The following SHOC1 variants were observed in gnomAD, a reference collection of about 807,000 sequenced individuals.
SHOC1 encodes the protein protein shortage in chiasmata 1 ortholog.
In SHOC1, 136 loss-of-function variants were observed where a neutral mutation model predicts 179.2. That is an observed-to-expected ratio of 0.76 (90% CI 0.66 to 0.87). The LOEUF is 0.87. Among genes scored for constraint, SHOC1 ranks in the 40% least tolerant of loss-of-function variants. The probability of loss-of-function intolerance (pLI) is 0.00; values close to 1 mark genes in which losing one functional copy is unlikely to be tolerated. For synonymous variants in SHOC1, 489 were observed against 586.6 expected (o/e 0.83, Z 2.41); for missense variants, 1,538 against 1,700.8 (o/e 0.90, Z 1.68).
chr9:111,765,405 C>T (rs1302553828), intron 5 of SHOC1, among the ~76,000 whole-genome samples: 3 of 152,000 alleles, frequency 2.0e-5, no homozygotes, highest in Non-Finnish European at 4.4e-5. Flanking sequence ...CGTGACCAGC[C>T]TGGCCAACAT....
At chr9:111,714,117 A>G (rs1328470638) in intron 17 of SHOC1, among the ~76,000 whole-genome samples, 2 of 152,090 alleles carry the variant, frequency 1.3e-5, no homozygotes, top group Non-Finnish European at 2.9e-5. Context: ...TGGGCTCAAG[A>G]GATCCTCCCA....
Position 111,693,792 on chromosome 9 carries a change from A to G in SHOC1, c.3465+7T>C. ...TCATATCATAGTACAGATCTCAAAT[A>G]ACTAACCTTTAACACTTTTTCTGGG... On this transcript the variant is annotated splice_region_variant and intron_variant, in intron 26 of 27. Transcript: ENST00000682961. The G allele has an allele frequency of 6.3e-7, 1 of 1,592,814 alleles. No homozygotes were observed. Among genetic ancestry groups the G allele is most frequent in the South Asian group, 1.1e-5 (1 of 88,738 alleles).
At chr9:111,749,333 C>T (rs1301264594) in intron 8 of SHOC1, among the ~76,000 whole-genome samples, 1 of 152,084 alleles carries the variant, frequency 6.6e-6, no homozygotes, top group African/African-American at 2.4e-5. Context: ...AAGAATTGAT[C>T]TCTCTTTTAA....
chr9:111,692,214 A>G lies in SHOC1; in HGVS notation c.3763T>C (p.Trp1255Arg). Reference sequence around the variant, plus strand: ...TTAGATTTACAGCTGGAGTCTTTCCAGTAGCTGGTCTGATTGTATGAAGTC... The same window carrying G: ...TTAGATTTACAGCTGGAGTCTTTCCGGTAGCTGGTCTGATTGTATGAAGTC... ...PVTSYNQTSY[W>R]KDSSCKSNIG... The change falls in exon 27 of 28, where the codon TGG becomes CGG. Residue 1255 changes from tryptophan (W) to arginine (R), a missense_variant. Transcript: ENST00000682961. 1 of 1,613,616 alleles carries G rather than the reference A, an allele frequency of 6.2e-7. No homozygotes were observed. The highest frequency in any genetic ancestry group is 8.5e-7 in the Non-Finnish European group (1 of 1,179,582).
chr9:111,757,227 C>T lies in SHOC1; in HGVS notation c.709-749G>A, dbSNP rs1834906034. ...ACGCCATTCTCCTGCCTCAGCCTCC[C>T]GAGTAGCTGGGACTACAGGCGCCCA... On this transcript the variant is annotated intron_variant, in intron 7 of 27. Coordinates refer to ENST00000682961, the MANE Select transcript of SHOC1 (RefSeq NM_001378211.1). 3.3e-5 allele frequency among the ~76,000 whole-genome samples: 5 copies of T among 152,150 alleles called. 1 individual carries two copies. The South Asian group carries it at 1.0e-3, about 32-fold the overall frequency.
intron 20 of SHOC1, among the ~76,000 whole-genome samples, chr9:111,706,325 T>G (rs1046851710): frequency 6.6e-6 from 1 of 152,172 alleles, no homozygotes; most frequent in East Asian, 1.9e-4. Flanking sequence ...CTATTATAAG[T>G]AAAATTTAGA....
At chr9:111,757,258 A>G (rs932571327) in intron 7 of SHOC1, among the ~76,000 whole-genome samples, 2 of 151,964 alleles carry the variant, frequency 1.3e-5, no homozygotes, top group African/African-American at 2.4e-5. Flanking sequence ...GCCCACCACT[A>G]TGCCTGGCTA....
At chr9:111,720,338 C>G (rs1832979250) in intron 15 of SHOC1, among the ~76,000 whole-genome samples, 1 of 152,188 alleles carries the variant, frequency 6.6e-6, no homozygotes, top group South Asian at 2.1e-4. Context: ...TCACCCTTAT[C>G]TTTGTTTCCT....
intron 16 of SHOC1, among the ~76,000 whole-genome samples, chr9:111,715,659 T>G (rs1228177683): frequency 6.6e-6 from 1 of 152,174 alleles, no homozygotes; most frequent in African/African-American, 2.4e-5. Flanking sequence ...TCTAACCACA[T>G]GGAACTGTTG....
intron 24 of SHOC1, among the ~76,000 whole-genome samples, chr9:111,697,653 C>T (rs1007270705): frequency 2.0e-5 from 3 of 152,148 alleles, no homozygotes; most frequent in South Asian, 2.1e-4. Context: ...AATAAACATA[C>T]GTGTGCATAT....
intron 18 of SHOC1, among the ~76,000 whole-genome samples, chr9:111,709,276 A>T (rs955794693): frequency 3.9e-5 from 6 of 152,264 alleles, no homozygotes; most frequent in African/African-American, 1.4e-4. Flanking sequence ...TGGGAGGCAG[A>T]GGTTGCAGTA....
rs1269432189 is a variant in SHOC1 at position 111,781,015 on chromosome 9, A to C, written c.172T>G (p.Ser58Ala). 1.2e-6 allele frequency: 2 copies of C among 1,609,456 alleles called. No homozygotes were observed. Among genetic ancestry groups the C allele is most frequent in the Admixed American group, 3.4e-5 (2 of 59,692 alleles). ...GTCATTCCCGGAACTGAAACAGCTG[A>C]GACTAGAAAGGATAATAGTTAACAT... is the stretch of plus-strand genomic sequence containing the variant. ...NKFRRPWTRV[S>A]AVSVPGMTDT... is the part of the protein sequence containing the mutation. Residue 58 changes from serine (S) to alanine (A), a missense_variant and splice_region_variant, in exon 4 of 28, where the codon TCA becomes GCA. Coordinates refer to ENST00000682961, the MANE Select transcript of SHOC1 (RefSeq NM_001378211.1).
chr9:111,733,131 G>A (rs987818242), intron 12 of SHOC1, among the ~76,000 whole-genome samples: 8 of 151,972 alleles, frequency 5.3e-5, no homozygotes, highest in Admixed American at 6.6e-5. Flanking sequence ...TTCATTTTAT[G>A]TAAATTATAC....
At chr9:111,730,890 CTGT>C (rs982135843) in intron 12 of SHOC1, among the ~76,000 whole-genome samples, 2 of 152,198 alleles carry the variant, frequency 1.3e-5, no homozygotes, top group African/African-American at 4.8e-5. Flanking sequence ...CATTGAATAT[CTGT>C]TGTTTAGTGT....
intron 8 of SHOC1, among the ~76,000 whole-genome samples, chr9:111,751,068 G>A (rs527362890): frequency 9.9e-5 from 15 of 152,092 alleles, no homozygotes; most frequent in Middle Eastern, 3.4e-3. Flanking sequence ...ATATAGCTCC[G>A]CCAGCTCCCC....
intron 24 of SHOC1, among the ~76,000 whole-genome samples, chr9:111,698,485 C>G (rs1831812079): frequency 1.3e-5 from 2 of 152,110 alleles, no homozygotes; most frequent in Admixed American, 6.6e-5. Context: ...TCAGGTTTGT[C>G]AAAGATCAGA....
In SHOC1 at chr9:111,764,100, G is replaced by A. The variant is rs367617534; in HGVS notation, c.443-5252C>T. Reference sequence around the variant, plus strand: ...GTTGTGAGTGGCATGATGAAACCTAGTGCCATCCTGTTCAGTCCCACCAAA... The same window carrying A: ...GTTGTGAGTGGCATGATGAAACCTAATGCCATCCTGTTCAGTCCCACCAAA... On this transcript the variant is annotated intron_variant, in intron 5 of 27. Coordinates refer to ENST00000682961, the MANE Select transcript of SHOC1 (RefSeq NM_001378211.1). 6.1e-4 allele frequency among the ~76,000 whole-genome samples: 93 copies of A among 151,644 alleles called. 4 individuals are homozygous for A. The South Asian group carries it at 0.019, about 31-fold the overall frequency.
At chr9:111,785,830 A>G (rs895299278) in intron 3 of SHOC1, 82 bp downstream of exon 3, 1 of 1,187,152 alleles carries the variant, frequency 8.4e-7, no homozygotes, top group Non-Finnish European at 1.1e-6. Context: ...TTAGTAAAAC[A>G]TTGCATATTC....
chr9:111,700,964 C>G (rs990558573), intron 23 of SHOC1, among the ~76,000 whole-genome samples: 1 of 152,172 alleles, frequency 6.6e-6, no homozygotes, highest in African/African-American at 2.4e-5. Context: ...TCCTGTATGA[C>G]TCTACTAGGA....
Sources: gnomAD v4.1 joint callset for allele counts (sites outside exome capture counted in the v4.1 genomes callset) on GRCh38, gnomAD v4.1.1 for gene constraint, MANE v1.5 for transcripts, NCBI Gene and HGNC (gene_info 2026-07-23, HGNC 2026-07-21) for gene names.